The following SYN3 variants were observed in gnomAD, a reference collection of about 807,000 sequenced individuals.
SYN3 encodes synapsin III, also known as synapsin-3.
Under a neutral mutation model 65.8 loss-of-function variants are expected in SYN3, and 35 were observed. That is an observed-to-expected ratio of 0.53 (90% CI 0.41 to 0.70). The LOEUF is 0.70. Among genes scored for constraint, SYN3 ranks in the 30% least tolerant of loss-of-function variants. SYN3 has a pLI of 0.00. For synonymous variants in SYN3, 270 were observed against 292.9 expected, an observed-to-expected ratio of 0.92 and a Z score of 0.80; for missense variants, 680 against 749.0, an observed-to-expected ratio of 0.91 and a Z score of 1.08.
At chr22:33,019,279 G>A (rs892888598) in intron 1 of SYN3, among the ~76,000 whole-genome samples, 1 of 152,114 alleles carries the variant, frequency 6.6e-6, no homozygotes, top group Non-Finnish European at 1.5e-5. Context: ...CATATCCTTT[G>A]TATATACTTT....
chr22:32,748,455 G>C (rs1383392213), intron 6 of SYN3, among the ~76,000 whole-genome samples: 1 of 152,132 alleles, frequency 6.6e-6, no homozygotes. Context: ...ACCAAGAAAG[G>C]GTGTCGGGGG....
intron 7 of SYN3, among the ~76,000 whole-genome samples, chr22:32,549,903 C>T (rs2058387338): frequency 8.6e-6 from 1 of 116,742 alleles, no homozygotes; most frequent in Admixed American, 8.5e-5. Context: ...AAAAAAAATG[C>T]AATGAAGGAA....
At chr22:32,644,344 G>A (rs1386965381) in intron 6 of SYN3, among the ~76,000 whole-genome samples, 3 of 152,100 alleles carry the variant, frequency 2.0e-5, no homozygotes, top group Non-Finnish European at 4.4e-5. Context: ...GGCAGTGGAG[G>A]GGAGGGGTAT....
At chr22:32,546,415 G>A (rs2058336402) in intron 7 of SYN3, among the ~76,000 whole-genome samples, 1 of 152,218 alleles carries the variant, frequency 6.6e-6, no homozygotes, top group Admixed American at 6.5e-5. Context: ...TCTTTTATAA[G>A]GTGGATATTT....
intron 7 of SYN3, among the ~76,000 whole-genome samples, chr22:32,591,249 T>TA (rs1283813905): frequency 6.6e-6 from 1 of 152,016 alleles, no homozygotes; most frequent in Non-Finnish European, 1.5e-5. Context: ...AAAAAAAACT[T>TA]AAAAATTGCT....
intron 1 of SYN3, among the ~76,000 whole-genome samples, chr22:33,008,603 A>G (rs975707518): frequency 2.6e-5 from 4 of 151,918 alleles, no homozygotes; most frequent in African/African-American, 9.7e-5. Context: ...ACAAATTGCT[A>G]CTCCATTCTC....
chr22:33,009,134 T>C (rs1300968264), intron 1 of SYN3, among the ~76,000 whole-genome samples: 1 of 152,072 alleles, frequency 6.6e-6, no homozygotes, highest in African/African-American at 2.4e-5. Context: ...GATCTTTTCT[T>C]TGGGAAAATA....
At chr22:32,805,506 T>C (rs1227514027) in intron 6 of SYN3, among the ~76,000 whole-genome samples, 1 of 152,154 alleles carries the variant, frequency 6.6e-6, no homozygotes, top group Non-Finnish European at 1.5e-5. Context: ...GGACCCAGGC[T>C]GTGGATGTCT....
In SYN3 at chr22:32,555,710, G is replaced by C. The variant is rs566463534; in HGVS notation, c.775-13997C>G. 1.1e-4 allele frequency among the ~76,000 whole-genome samples: 17 copies of C among 152,230 alleles called. No homozygotes were observed. In the South Asian group the frequency reaches 3.5e-3, roughly 32 times the overall value. The stretch of plus-strand genomic sequence containing the variant: ...CTGGCAGGGCCAACTGGATGTTCAG[G>C]CCACTCCTAGTTGGAGATAATAAAA... On this transcript the variant is annotated intron_variant, in intron 7 of 13. Coordinates refer to ENST00000358763, the MANE Select transcript of SYN3 (RefSeq NM_003490.4).
At chr22:32,517,554 T>A (rs2057798625) in intron 13 of SYN3, among the ~76,000 whole-genome samples, 1 of 152,202 alleles carries the variant, frequency 6.6e-6, no homozygotes, top group African/African-American at 2.4e-5. Flanking sequence ...ACTTTTTTTT[T>A]AGTGTAAGTA....
At chr22:32,832,914 G>A (rs971543630) in intron 6 of SYN3, among the ~76,000 whole-genome samples, 14 of 151,636 alleles carry the variant, frequency 9.2e-5, no homozygotes, top group Non-Finnish European at 1.3e-4. Flanking sequence ...CGTGGTTTTC[G>A]TAGAGACAGG....
chr22:32,761,375 G>A (rs375341454), intron 6 of SYN3, among the ~76,000 whole-genome samples: 6 of 152,206 alleles, frequency 3.9e-5, no homozygotes, highest in Admixed American at 6.5e-5. Context: ...AGCCATGCGC[G>A]TGAGTCACGA....
intron 4 of SYN3, among the ~76,000 whole-genome samples, chr22:32,916,404 C>G (rs1041742610): frequency 6.6e-6 from 1 of 152,182 alleles, no homozygotes; most frequent in Non-Finnish European, 1.5e-5. Context: ...GGATACAGAT[C>G]CAGAAAGGAA....
intron 6 of SYN3, among the ~76,000 whole-genome samples, chr22:32,749,413 G>A (rs558973319): frequency 2.6e-5 from 4 of 151,434 alleles, no homozygotes; most frequent in South Asian, 4.2e-4. Context: ...AGGCCAAGGC[G>A]GGTGAATCGT....
At chr22:32,545,549 GTCTCTC>G (rs895153167) in intron 7 of SYN3, among the ~76,000 whole-genome samples, 4 of 150,650 alleles carry the variant, frequency 2.7e-5, no homozygotes, top group Non-Finnish European at 5.9e-5. Flanking sequence ...TGGAACCCAG[GTCTCTC>G]TCTCTCTCTC....
intron 6 of SYN3, among the ~76,000 whole-genome samples, chr22:32,601,028 G>A (rs941862378): frequency 6.6e-5 from 10 of 152,130 alleles, no homozygotes; most frequent in South Asian, 4.1e-4. Context: ...TTTTGCAGGT[G>A]ATTGCTGAAC....
chr22:32,938,643 T>C (rs963090941), intron 3 of SYN3, among the ~76,000 whole-genome samples: 4 of 150,444 alleles, frequency 2.7e-5, no homozygotes, highest in African/African-American at 9.8e-5. Context: ...AGTGAAGGCA[T>C]AGGCCAGGCA....
intron 6 of SYN3, among the ~76,000 whole-genome samples, chr22:32,626,487 G>A (rs1452015828): frequency 6.6e-6 from 1 of 152,146 alleles, no homozygotes; most frequent in Non-Finnish European, 1.5e-5. Flanking sequence ...AGAGAGAAGA[G>A]TTCATTAGGA....
At chr22:32,645,620 CT>C (rs1369062998) in intron 6 of SYN3, among the ~76,000 whole-genome samples, 1 of 152,128 alleles carries the variant, frequency 6.6e-6, no homozygotes, top group Non-Finnish European at 1.5e-5. Flanking sequence ...TTGTTTCCAC[CT>C]GGTATGTCCT....
Sources: gnomAD v4.1 joint callset for allele counts (sites outside exome capture counted in the v4.1 genomes callset) on GRCh38, gnomAD v4.1.1 for gene constraint, MANE v1.5 for transcripts, NCBI Gene and HGNC (gene_info 2026-07-23, HGNC 2026-07-21) for gene names.